The following GPC6 variants were observed in gnomAD, a reference collection of about 807,000 sequenced individuals.
The protein encoded by GPC6 is glypican 6, also known as glypican-6.
GPC6 carries 14 observed loss-of-function variants against 55.2 expected under a neutral mutation model. The observed-to-expected ratio is 0.25, with a 90% CI of 0.17 to 0.40. The LOEUF is 0.40. Among genes scored for constraint, GPC6 ranks in the 10% least tolerant of loss-of-function variants. The probability of loss-of-function intolerance (pLI) is 1.00; values close to 1 mark genes in which losing one functional copy is unlikely to be tolerated. For missense variants in GPC6, 641 were observed against 708.5 expected, an observed-to-expected ratio of 0.90 and a Z score of 1.08; for synonymous variants, 278 against 259.6, an observed-to-expected ratio of 1.07 and a Z score of -0.68.
rs150898000 is a variant in GPC6 at position 93,718,244 on chromosome 13, C to A, written c.320-111910C>A. On this transcript the variant is annotated intron_variant, in intron 2 of 8. Transcript: ENST00000377047. ...TCCCACCATTAGTGTAATATCATTT[C>A]TATTTCTCCACATCCTCTCCAGCAC... is the stretch of plus-strand genomic sequence containing the variant. 7.3e-3 allele frequency among the ~76,000 whole-genome samples: 1,114 copies of A among 152,106 alleles called. 9 individuals are homozygous for A. The highest frequency in any genetic ancestry group is 0.012 in the Non-Finnish European group (798 of 67,960).
intron 1 of GPC6, among the ~76,000 whole-genome samples, chr13:93,230,101 T>G (rs1013748495): frequency 6.6e-6 from 1 of 152,182 alleles, no homozygotes; most frequent in Non-Finnish European, 1.5e-5. Flanking sequence ...ATGGTTTGCT[T>G]GAAGAATTTC....
intron 6 of GPC6, among the ~76,000 whole-genome samples, chr13:94,378,405 G>A (rs1879999086): frequency 6.6e-6 from 1 of 152,012 alleles, no homozygotes; most frequent in South Asian, 2.1e-4. Flanking sequence ...GTTCTTTCTG[G>A]TCATTGGCTT....
At chr13:94,296,206 T>C (rs759965879) in intron 5 of GPC6, among the ~76,000 whole-genome samples, 51 of 152,320 alleles carry the variant, frequency 3.3e-4, no homozygotes, top group Non-Finnish European at 4.7e-4. Context: ...TTTCCTTGCA[T>C]GTAAAAGGGA....
chr13:93,588,388 G>A (rs201917364), intron 2 of GPC6, among the ~76,000 whole-genome samples: 1 of 66,528 alleles, frequency 1.5e-5, no homozygotes, highest in Non-Finnish European at 4.4e-5. Flanking sequence ...GTGTGTGTGT[G>A]TGTGTGTGTG....
At chr13:93,892,082 A>T (rs1430202962) in intron 3 of GPC6, among the ~76,000 whole-genome samples, 1 of 152,136 alleles carries the variant, frequency 6.6e-6, no homozygotes, top group Non-Finnish European at 1.5e-5. Context: ...ACATGTACAC[A>T]CTACACATAC....
intron 4 of GPC6, among the ~76,000 whole-genome samples, chr13:94,250,090 G>A (rs1415572668): frequency 2.0e-5 from 3 of 152,134 alleles, no homozygotes; most frequent in Non-Finnish European, 2.9e-5. Context: ...TAAATGCCAA[G>A]CACTATATTA....
chr13:93,834,142 G>A (rs1887643550), intron 3 of GPC6, among the ~76,000 whole-genome samples: 1 of 152,136 alleles, frequency 6.6e-6, no homozygotes, highest in Non-Finnish European at 1.5e-5. Context: ...ATTTCATCCG[G>A]ATAAACTGTT....
chr13:93,225,339 A>G (rs1215703587), upstream of GPC6, among the ~76,000 whole-genome samples: 1 of 152,166 alleles, frequency 6.6e-6, no homozygotes, highest in African/African-American at 2.4e-5. Flanking sequence ...AATATATTTT[A>G]TCTTGATTTC....
intron 1 of GPC6, among the ~76,000 whole-genome samples, chr13:93,240,312 G>C (rs1378374604): frequency 6.6e-6 from 1 of 152,048 alleles, no homozygotes; most frequent in Non-Finnish European, 1.5e-5. Context: ...CTGGTGTTAG[G>C]TGTATGTTTA....
At chr13:94,334,751 G>A (rs139011675) in intron 6 of GPC6, among the ~76,000 whole-genome samples, 4 of 152,302 alleles carry the variant, frequency 2.6e-5, no homozygotes, top group South Asian at 2.1e-4. Flanking sequence ...TTGCTTGAGT[G>A]TCTTCCTGAG....
chr13:94,203,437 A>G (rs9561512), intron 4 of GPC6, among the ~76,000 whole-genome samples: 20,222 of 152,120 alleles, frequency 0.13, 1,407 homozygotes, highest in South Asian at 0.23. Flanking sequence ...CAATTACATT[A>G]TCTCAAATTA....
chr13:93,974,778 A>T (rs1027693680), intron 3 of GPC6, among the ~76,000 whole-genome samples: 21 of 151,984 alleles, frequency 1.4e-4, no homozygotes, highest in African/African-American at 4.6e-4. Context: ...GTCACATCCT[A>T]TTTGGAATCG....
At chr13:93,250,582 C>T (rs1422386507) in intron 1 of GPC6, among the ~76,000 whole-genome samples, 3 of 152,152 alleles carry the variant, frequency 2.0e-5, no homozygotes, top group Non-Finnish European at 2.9e-5. Flanking sequence ...TGGTTTGCAA[C>T]TCCGCTGCTT....
At chr13:93,648,557 G>T (rs1412783562) in intron 2 of GPC6, among the ~76,000 whole-genome samples, 1 of 152,104 alleles carries the variant, frequency 6.6e-6, no homozygotes, top group African/African-American at 2.4e-5. Flanking sequence ...AAACACTGAC[G>T]ATCTGACATT....
At chr13:94,266,994 G>A (rs1184835791) in intron 4 of GPC6, among the ~76,000 whole-genome samples, 1 of 152,168 alleles carries the variant, frequency 6.6e-6, no homozygotes, top group South Asian at 2.1e-4. Flanking sequence ...GTGCTATTAT[G>A]AGCATTATAT....
chr13:93,462,880 T>A (rs1223257045), intron 1 of GPC6, among the ~76,000 whole-genome samples: 8 of 152,082 alleles, frequency 5.3e-5, no homozygotes, highest in African/African-American at 1.9e-4. Context: ...TCCTTCCTTT[T>A]CCCGTGCCCT....
At chr13:93,298,638 G>A (rs1465361664) in intron 1 of GPC6, among the ~76,000 whole-genome samples, 1 of 151,944 alleles carries the variant, frequency 6.6e-6, no homozygotes. Context: ...ATAGGGATGG[G>A]GGTCTCCCTA....
intron 2 of GPC6, among the ~76,000 whole-genome samples, chr13:93,618,915 A>G (rs1210323811): frequency 1.3e-5 from 2 of 152,082 alleles, no homozygotes; most frequent in South Asian, 2.1e-4. Flanking sequence ...ACATCTACAA[A>G]CCTAAATGGT....
intron 2 of GPC6, among the ~76,000 whole-genome samples, chr13:93,629,306 G>C (rs1476976812): frequency 6.6e-6 from 1 of 151,876 alleles, no homozygotes; most frequent in African/African-American, 2.4e-5. Context: ...TTCTCTTTTT[G>C]TGGCCTGTTA....
Sources: allele counts gnomAD v4.1 joint callset (sites outside exome capture counted in the v4.1 genomes callset), GRCh38; gene constraint gnomAD v4.1.1; transcripts MANE v1.5; gene names NCBI Gene and HGNC (gene_info 2026-07-23, HGNC 2026-07-21).